Variants in ZNF18 observed in about 807,000 individuals in gnomAD.
ZNF18 encodes the protein heart development-specific gene 1 protein.
A neutral mutation model predicts 58.1 loss-of-function variants in ZNF18; 42 were observed. The ratio of observed to expected loss-of-function variants is 0.72; its 90% CI spans 0.56 to 0.93. The LOEUF (loss-of-function observed/expected upper bound fraction) is 0.93, where lower values mean the gene tolerates loss of function less well. ZNF18 is among the 40% of genes least tolerant of loss of function. ZNF18 has a pLI of 0.00. For synonymous variants in ZNF18, 231 were observed against 239.8 expected, an observed-to-expected ratio of 0.96 and a Z score of 0.34; for missense variants, 540 against 644.2, an observed-to-expected ratio of 0.84 and a Z score of 1.75.
chr17:12,004,590 A>G, the ZNF18 span, among the ~76,000 whole-genome samples: 1 of 152,150 alleles, frequency 6.6e-6, no homozygotes, highest in African/African-American at 2.4e-5. Context: ...GAAATCTACT[A>G]GAAATGTGCG....
the ZNF18 span, among the ~76,000 whole-genome samples, chr17:12,010,394 T>G: frequency 6.6e-6 from 1 of 152,088 alleles, no homozygotes; most frequent in East Asian, 1.9e-4. Context: ...TCTTTAAAAC[T>G]GCTTCCAAAA....
intron 4 of ZNF18, among the ~76,000 whole-genome samples, 194 bp from the exon 5 acceptor site, chr17:11,984,391 C>G (rs2151475172): frequency 6.6e-6 from 1 of 152,230 alleles, no homozygotes; most frequent in South Asian, 2.1e-4. Flanking sequence ...GTCCCTATAT[C>G]AGTGTTTCTT....
At chr17:12,005,190 G>A in the ZNF18 span, among the ~76,000 whole-genome samples, 1 of 150,470 alleles carries the variant, frequency 6.6e-6, no homozygotes, top group Non-Finnish European at 1.5e-5. Flanking sequence ...CATATACACA[G>A]ATACTAATAT....
chr17:11,981,549 T>G (rs1597950146), intron 6 of ZNF18, among the ~76,000 whole-genome samples: 1 of 71,214 alleles, frequency 1.4e-5, no homozygotes. Flanking sequence ...TTTTTTTTTT[T>G]GCCTATCAAG....
At chr17:11,998,896 G>A (rs991865476), upstream of ZNF18, among the ~76,000 whole-genome samples, 2 of 138,622 alleles carry the variant, frequency 1.4e-5, no homozygotes, top group Admixed American at 1.6e-4. Context: ...GGCTGGTCTC[G>A]AACTCGTGAC....
chr17:11,984,113 C>G lies in ZNF18; in HGVS notation c.751G>C (p.Ala251Pro). The G allele has an allele frequency of 6.2e-7, 1 of 1,612,316 alleles. No homozygotes were observed. Among genetic ancestry groups the G allele is most frequent in the Non-Finnish European group, 8.5e-7 (1 of 1,179,330 alleles). The change falls in exon 5 of 7, where the codon GCA (alanine) becomes CCA (proline). Residue 251 changes from alanine to proline, a missense_variant and splice_region_variant. Transcript: ENST00000580306. The stretch of plus-strand genomic sequence containing the variant: ...CCATCAGACTAACCCACACCCTCAC[C>G]TCCTGAGACCATTTTCCCATAGGTC... The part of the protein sequence containing the change: ...LETYGKMVSG[A>P]GISHPKSDLT...
chr17:11,991,233 T>G (rs1203782729), intron 2 of ZNF18, 70 bp from the exon 3 acceptor site: 5 of 1,367,028 alleles, frequency 3.7e-6, no homozygotes, highest in Admixed American at 1.9e-5. Context: ...ACACAAAGCT[T>G]ACTCTCTACA....
the ZNF18 span, among the ~76,000 whole-genome samples, chr17:12,016,490 C>T: frequency 3.2e-4 from 49 of 152,088 alleles, no homozygotes; most frequent in African/African-American, 1.1e-3. Flanking sequence ...CCACCATGCT[C>T]GGCTAATTTT....
chr17:12,010,345 TAAGTAA>T, the ZNF18 span, among the ~76,000 whole-genome samples: 1 of 152,084 alleles, frequency 6.6e-6, no homozygotes, highest in African/African-American at 2.4e-5. Context: ...AAGTTTTGTG[TAAGTAA>T]AATAGAATGT....
chr17:11,986,752 A>G (rs967676817), intron 4 of ZNF18, among the ~76,000 whole-genome samples: 3 of 152,176 alleles, frequency 2.0e-5, no homozygotes, highest in Admixed American at 2.0e-4. Context: ...AGAGAAAAGG[A>G]TGCACTTGCC....
upstream of ZNF18, among the ~76,000 whole-genome samples, chr17:11,997,733 A>G (rs989254140): frequency 5.9e-5 from 9 of 152,164 alleles, no homozygotes; most frequent in African/African-American, 2.2e-4. Context: ...TTGCGCACCT[A>G]TTCTGTGCCA....
intron 1 of ZNF18, chr17:11,995,719 A>G (rs1047311833): frequency 3.9e-5 from 6 of 152,172 alleles, no homozygotes; most frequent in Non-Finnish European, 7.3e-5. Flanking sequence ...AAGTCAAAAA[A>G]TCTGAACACT....
At chr17:12,015,809 G>A in the ZNF18 span, among the ~76,000 whole-genome samples, 2 of 150,364 alleles carry the variant, frequency 1.3e-5, no homozygotes, top group African/African-American at 4.9e-5. Flanking sequence ...TTTTTTTTGA[G>A]ACAGAGTCTT....
chr17:11,980,489 T>C (rs541427363), intron 6 of ZNF18, among the ~76,000 whole-genome samples: 14 of 152,066 alleles, frequency 9.2e-5, no homozygotes, highest in Non-Finnish European at 1.3e-4. Context: ...GGCGTGATCT[T>C]GGCTCACTGC....
intron 1 of ZNF18, chr17:11,996,972 G>C (rs1567611062): frequency 6.6e-6 from 1 of 152,232 alleles, no homozygotes; most frequent in Non-Finnish European, 1.5e-5. Flanking sequence ...TTTAGTGCTC[G>C]AGGCCAGGGC....
chr17:12,019,752 G>A, the ZNF18 span, among the ~76,000 whole-genome samples: 1 of 152,334 alleles, frequency 6.6e-6, no homozygotes, highest in African/African-American at 2.4e-5. Flanking sequence ...CCAACATGCT[G>A]TGAAGAACTC....
intron 6 of ZNF18, among the ~76,000 whole-genome samples, chr17:11,982,341 T>G (rs11869883): frequency 2.6e-5 from 4 of 152,306 alleles, no homozygotes; most frequent in Non-Finnish European, 4.4e-5. Flanking sequence ...ACATCTGATA[T>G]TTCCTCTTCA....
At chr17:12,010,737 T>C in the ZNF18 span, 178 of 267,410 alleles carry the variant, frequency 6.7e-4, 1 homozygote, top group African/African-American at 3.9e-3. Context: ...TTTTAAACAC[T>C]TACTATGCCA....
chr17:12,018,427 G>A, the ZNF18 span, among the ~76,000 whole-genome samples: 1 of 152,170 alleles, frequency 6.6e-6, no homozygotes, highest in East Asian at 1.9e-4. Context: ...GTGGCTTGTA[G>A]ATGATCATCT....
Sources: allele counts gnomAD v4.1 joint callset (sites outside exome capture counted in the v4.1 genomes callset), GRCh38; gene constraint gnomAD v4.1.1; transcripts MANE v1.5; gene names NCBI Gene and HGNC (gene_info 2026-07-23, HGNC 2026-07-21).